LHFPL3: variants seen among roughly 807,000 people sequenced by gnomAD.
LHFPL3 encodes LHFPL tetraspan subfamily member 3.
Under a neutral mutation model 19.3 loss-of-function variants are expected in LHFPL3, and 5 were observed. That is an observed-to-expected ratio of 0.26 (90% CI 0.14 to 0.54). The LOEUF is 0.54. Among genes scored for constraint, LHFPL3 ranks in the 20% least tolerant of loss-of-function variants. LHFPL3 has a pLI of 0.94. For synonymous variants in LHFPL3, 133 were observed against 126.2 expected (o/e 1.05, Z -0.36); for missense variants, 249 against 307.4 (o/e 0.81, Z 1.42).
intron 1 of LHFPL3, among the ~76,000 whole-genome samples, chr7:104,449,795 AC>A (rs1792398173): frequency 6.6e-6 from 1 of 152,110 alleles, no homozygotes; most frequent in Non-Finnish European, 1.5e-5. Flanking sequence ...TGGACTCAAC[AC>A]CTTTTCTCTC....
At position 104,571,535 on chromosome 7, in the gene LHFPL3, C is replaced by G. The variant is rs187455675; in HGVS notation, c.446-165140C>G. Among the ~76,000 whole-genome samples, 37 of 152,242 alleles carry G rather than the reference C, an allele frequency of 2.4e-4. No individual in the cohort carries two copies. In the East Asian group the frequency reaches 4.1e-3, roughly 17 times the overall value. On this transcript the variant is annotated intron_variant, in intron 1 of 2. Coordinates refer to ENST00000424859, the MANE Select transcript of LHFPL3 (RefSeq NM_199000.3). ...AAGTTCCTGGCAAGTGACTTACAAGCCTTTTCTGGACACAATACTGAAAAG... is the reference window on the plus strand; with the variant it reads ...AAGTTCCTGGCAAGTGACTTACAAGGCTTTTCTGGACACAATACTGAAAAG...
At chr7:104,552,227 C>G (rs922293371) in intron 1 of LHFPL3, among the ~76,000 whole-genome samples, 1 of 152,164 alleles carries the variant, frequency 6.6e-6, no homozygotes, top group African/African-American at 2.4e-5. Flanking sequence ...AGGCATGAGC[C>G]ACATAACCAA....
intron 1 of LHFPL3, among the ~76,000 whole-genome samples, chr7:104,543,201 T>C (rs1320914037): frequency 6.6e-6 from 1 of 152,052 alleles, no homozygotes; most frequent in Non-Finnish European, 1.5e-5. Context: ...AAATACCTAA[T>C]GCATGCAGGC....
Position 104,906,563 on chromosome 7 carries a change from G to T in LHFPL3, c.*348G>T. On this transcript the variant is annotated 3_prime_UTR_variant, in exon 3 of 3. Transcript: ENST00000424859. Reference sequence around the variant, plus strand: ...ACATGTAAAATATATACGTACTGAGGTTTGTAAACTGTCCTTTTTAAATCA... The same window carrying T: ...ACATGTAAAATATATACGTACTGAGTTTTGTAAACTGTCCTTTTTAAATCA... The T allele has an allele frequency of 4.1e-6, 1 of 243,274 alleles. No individual in the cohort carries two copies. Among genetic ancestry groups the T allele is most frequent in the Non-Finnish European group, 7.8e-6 (1 of 127,832 alleles). 15.1% of individuals were successfully genotyped at this position (243,274 alleles called of 1,614,324 possible). A position where few individuals can be genotyped will look rare whatever the true frequency, so the allele number is the denominator to read the frequency against.
At chr7:104,848,900 G>GGTT (rs1562813587) in intron 2 of LHFPL3, among the ~76,000 whole-genome samples, 3 of 149,290 alleles carry the variant, frequency 2.0e-5, no homozygotes, top group African/African-American at 7.3e-5. Flanking sequence ...TGTTTTTTTG[G>GGTT]TTTTTTTTTT....
intron 1 of LHFPL3, among the ~76,000 whole-genome samples, chr7:104,604,273 C>T (rs993658446): frequency 3.3e-5 from 5 of 152,166 alleles, no homozygotes; most frequent in African/African-American, 7.2e-5. Context: ...CCAGGGTGGT[C>T]GAAGAGTGCT....
chr7:104,538,982 T>C (rs1197791986), intron 1 of LHFPL3, among the ~76,000 whole-genome samples: 1 of 152,128 alleles, frequency 6.6e-6, no homozygotes, highest in African/African-American at 2.4e-5. Context: ...AGTTGCAACA[T>C]TACTGGTTTT....
rs529702327 is a variant in LHFPL3 at position 104,503,480 on chromosome 7, G to T, written c.445+174256G>T. Among the ~76,000 whole-genome samples the T allele has an allele frequency of 7.8e-4, 119 of 152,168 alleles. 1 individual carries two copies. The Middle Eastern group carries it at 0.014, about 17-fold the overall frequency. On this transcript the variant is annotated intron_variant, in intron 1 of 2. Coordinates refer to ENST00000424859, the MANE Select transcript of LHFPL3 (RefSeq NM_199000.3). ...AGAAACAAAGAAAACATTTTTATTTGCTCAAGGCAATTATTTCCCAAATAT... is the reference window on the plus strand; with the variant it reads ...AGAAACAAAGAAAACATTTTTATTTTCTCAAGGCAATTATTTCCCAAATAT...
chr7:104,607,974 A>G (rs972463450), intron 1 of LHFPL3, among the ~76,000 whole-genome samples: 22 of 152,264 alleles, frequency 1.4e-4, no homozygotes, highest in East Asian at 1.9e-4. Flanking sequence ...TTAGAATGGC[A>G]ATCATTAAAA....
At chr7:104,380,629 C>T (rs1178356223) in intron 1 of LHFPL3, among the ~76,000 whole-genome samples, 2 of 151,952 alleles carry the variant, frequency 1.3e-5, no homozygotes, top group Non-Finnish European at 2.9e-5. Flanking sequence ...AAAAAGTTTC[C>T]TACAAAAGAA....
chr7:104,517,573 C>A (rs1487681999), intron 1 of LHFPL3, among the ~76,000 whole-genome samples: 3 of 133,266 alleles, frequency 2.3e-5, no homozygotes, highest in Non-Finnish European at 4.6e-5. Flanking sequence ...ATGGTGTGTT[C>A]TTGGCTCACT....
intron 1 of LHFPL3, among the ~76,000 whole-genome samples, chr7:104,675,543 G>A (rs992725900): frequency 2.6e-5 from 4 of 152,130 alleles, no homozygotes; most frequent in African/African-American, 9.7e-5. Flanking sequence ...GGGGTGCAGG[G>A]AACAAAGGCT....
intron 1 of LHFPL3, among the ~76,000 whole-genome samples, chr7:104,672,393 C>T (rs961156310): frequency 6.6e-6 from 1 of 152,086 alleles, no homozygotes; most frequent in East Asian, 1.9e-4. Context: ...GAGTCTATAT[C>T]CTAGTTCATC....
chr7:104,626,918 G>T (rs2385247), intron 1 of LHFPL3, among the ~76,000 whole-genome samples: 145,232 of 152,260 alleles, frequency 0.95, 69,547 homozygotes, highest in Non-Finnish European at 1. Flanking sequence ...GATATATATA[G>T]ACCTTGTGGA....
chr7:104,339,426 GAC>G (rs1789903699), intron 1 of LHFPL3, among the ~76,000 whole-genome samples: 1 of 152,180 alleles, frequency 6.6e-6, no homozygotes, highest in Non-Finnish European at 1.5e-5. Context: ...AGGTCATAGA[GAC>G]AATAGGTGGT....
chr7:104,460,993 T>C (rs1792651138), intron 1 of LHFPL3, among the ~76,000 whole-genome samples: 1 of 152,202 alleles, frequency 6.6e-6, no homozygotes, highest in Non-Finnish European at 1.5e-5. Flanking sequence ...CTTTAATCCA[T>C]TGTATTAGTC....
intron 2 of LHFPL3, among the ~76,000 whole-genome samples, chr7:104,827,281 G>C (rs890113513): frequency 2.0e-5 from 3 of 151,954 alleles, no homozygotes; most frequent in Non-Finnish European, 4.4e-5. Context: ...AATAAACCCT[G>C]GTCTTGCAAA....
At chr7:104,384,579 G>T (rs1314074676) in intron 1 of LHFPL3, among the ~76,000 whole-genome samples, 3 of 151,768 alleles carry the variant, frequency 2.0e-5, no homozygotes, top group Non-Finnish European at 2.9e-5. Context: ...CTGAGGTCGG[G>T]AGTTTGAGAC....
In LHFPL3 at chr7:104,534,543, A is replaced by G. The variant is rs925007275; in HGVS notation, c.446-202132A>G. On this transcript the variant is annotated intron_variant, in intron 1 of 2. Coordinates refer to ENST00000424859, the MANE Select transcript of LHFPL3 (RefSeq NM_199000.3). ...TGCATGATGACAGCAAATATTATCA[A>G]AGAACCAGAGGTGTTTTTGAGGTTG... Among the ~76,000 whole-genome samples, 10 of 152,216 alleles carry G rather than the reference A, an allele frequency of 6.6e-5. 1 individual carries two copies. The highest frequency in any genetic ancestry group is 1.0e-4 in the Non-Finnish European group (7 of 68,038).
Sources: gnomAD v4.1 joint callset for allele counts (sites outside exome capture counted in the v4.1 genomes callset) on GRCh38, gnomAD v4.1.1 for gene constraint, MANE v1.5 for transcripts, NCBI Gene and HGNC (gene_info 2026-07-23, HGNC 2026-07-21) for gene names.